BRI3BP: variants seen among roughly 807,000 people sequenced by gnomAD.
BRI3BP encodes the protein BRI3-binding protein.
A neutral mutation model predicts 15.8 loss-of-function variants in BRI3BP; 7 were observed. The ratio of observed to expected loss-of-function variants is 0.44; its 90% CI spans 0.25 to 0.83. BRI3BP has a LOEUF of 0.83. BRI3BP is among the 40% of genes least tolerant of loss of function. BRI3BP has a pLI of 0.20. For missense variants in BRI3BP, 320 were observed against 339.3 expected, an observed-to-expected ratio of 0.94 and a Z score of 0.45; for synonymous variants, 192 against 163.5, an observed-to-expected ratio of 1.17 and a Z score of -1.33.
chr12:125,008,295 CTTTCTT>C (rs1271510362), intron 1 of BRI3BP, among the ~76,000 whole-genome samples: 3 of 113,756 alleles, frequency 2.6e-5, no homozygotes, highest in South Asian at 6.3e-4. Context: ...CCCTCCTCTT[CTTTCTT>C]TTTTTTTTTT....
chr12:125,050,038 C>A, the BRI3BP span, among the ~76,000 whole-genome samples: 2 of 152,164 alleles, frequency 1.3e-5, no homozygotes, highest in Non-Finnish European at 2.9e-5. Context: ...CAAATTCAGA[C>A]TCTTGCGTGA....
chr12:125,001,512 A>T (rs1043604956), intron 1 of BRI3BP, among the ~76,000 whole-genome samples: 1 of 152,032 alleles, frequency 6.6e-6, no homozygotes, highest in South Asian at 2.1e-4. Flanking sequence ...AGCATGTGCC[A>T]CCATGCCTAT....
chr12:125,050,696 T>G, the BRI3BP span, among the ~76,000 whole-genome samples: 1 of 152,232 alleles, frequency 6.6e-6, no homozygotes, highest in African/African-American at 2.4e-5. Context: ...TCATTTCAGA[T>G]GATGAAAGTG....
the BRI3BP span, among the ~76,000 whole-genome samples, chr12:125,044,742 A>G: frequency 2.0e-5 from 3 of 151,994 alleles, no homozygotes; most frequent in Non-Finnish European, 4.4e-5. Flanking sequence ...GAGCCACCGC[A>G]CCTGTCCCAG....
chr12:125,010,119 A>G (rs928065318), intron 1 of BRI3BP, among the ~76,000 whole-genome samples: 1 of 151,910 alleles, frequency 6.6e-6, no homozygotes, highest in East Asian at 1.9e-4. Flanking sequence ...AAAAAGAAGA[A>G]GAATATTGGA....
rs12824710 is a variant in BRI3BP at position 125,022,541 on chromosome 12, A to T, written c.317-2450A>T. Among the ~76,000 whole-genome samples, 563 of 139,090 alleles carry T rather than the reference A, an allele frequency of 4.0e-3. 3 individuals are homozygous for T. Among genetic ancestry groups the T allele is most frequent in the African/African-American group, 7.1e-3 (246 of 34,406 alleles). 91.2% of individuals were successfully genotyped at this position (139,090 alleles called of 152,430 possible). On this transcript the variant is annotated intron_variant, in intron 2 of 2. Coordinates refer to ENST00000341446, the MANE Select transcript of BRI3BP (RefSeq NM_080626.6). ...TTATTATTTATTTATTTATTTATTT[A>T]TTTTTTGAGACAGAGCCTCACTGTG...
chr12:125,018,804 C>T lies in BRI3BP; in HGVS notation c.316+6168C>T, dbSNP rs1294177640. Among the ~76,000 whole-genome samples, 11 of 151,814 alleles carry T rather than the reference C, an allele frequency of 7.2e-5. 1 individual carries two copies. The highest frequency in any genetic ancestry group is 3.9e-4 in the Admixed American group (6 of 15,216). ...AAGCGATTCTAGTACCTCAGCCTCC[C>T]GAGTGGCTGAGATTACAGGCACATG... On this transcript the variant is annotated intron_variant, in intron 2 of 2. Coordinates refer to ENST00000341446, the MANE Select transcript of BRI3BP (RefSeq NM_080626.6).
At chr12:125,043,082 A>G in the BRI3BP span, among the ~76,000 whole-genome samples, 1 of 151,278 alleles carries the variant, frequency 6.6e-6, no homozygotes, top group African/African-American at 2.4e-5. Context: ...AAAAAAAAAC[A>G]CTTCACTTGC....
chr12:125,037,813 A>G, the BRI3BP span, among the ~76,000 whole-genome samples: 4 of 147,058 alleles, frequency 2.7e-5, no homozygotes, highest in African/African-American at 9.9e-5. Flanking sequence ...CTCTGTCTCA[A>G]AAAAAAAAAA....
the BRI3BP span, among the ~76,000 whole-genome samples, chr12:125,050,405 G>A: frequency 6.6e-6 from 1 of 151,170 alleles, no homozygotes; most frequent in East Asian, 1.9e-4. Flanking sequence ...AAAAAGGAAC[G>A]CCACCAAAAG....
chr12:125,009,135 A>G (rs1180535099), intron 1 of BRI3BP, among the ~76,000 whole-genome samples: 1 of 149,524 alleles, frequency 6.7e-6, no homozygotes, highest in Non-Finnish European at 1.5e-5. Context: ...ACAACACTAC[A>G]CTCAGCTAAT....
In BRI3BP at chr12:125,029,589, C is replaced by T. The variant is rs1955392112; in HGVS notation, c.*4159C>T. 1 of 150,188 alleles carries T rather than the reference C, an allele frequency of 6.7e-6. No individual in the cohort carries two copies. Among genetic ancestry groups the T allele is most frequent in the South Asian group, 2.1e-4 (1 of 4,756 alleles). 9.3% of individuals were successfully genotyped at this position (150,188 alleles called of 1,614,324 possible). On this transcript the variant is annotated 3_prime_UTR_variant, in exon 3 of 3. Coordinates refer to ENST00000341446, the MANE Select transcript of BRI3BP (RefSeq NM_080626.6). Reference sequence around the variant, plus strand: ...ATATGTATATATATATACACACACACACACTTTCCAATACCAGTCGGCATT... The same window carrying T: ...ATATGTATATATATATACACACACATACACTTTCCAATACCAGTCGGCATT...
chr12:124,999,479 A>C (rs911106408), intron 1 of BRI3BP, among the ~76,000 whole-genome samples: 8 of 152,262 alleles, frequency 5.3e-5, no homozygotes, highest in Admixed American at 4.6e-4. Flanking sequence ...GCTGGAGTGC[A>C]GTAGCTCAAT....
chr12:125,036,816 A>T, the BRI3BP span, among the ~76,000 whole-genome samples: 1 of 152,188 alleles, frequency 6.6e-6, no homozygotes, highest in Non-Finnish European at 1.5e-5. Context: ...GTGGCCTCAT[A>T]AGAAGAGGAA....
intron 2 of BRI3BP, among the ~76,000 whole-genome samples, chr12:125,014,498 C>A (rs540233734): frequency 1.3e-4 from 20 of 152,212 alleles, no homozygotes; most frequent in Non-Finnish European, 1.0e-4. Flanking sequence ...AATTCCCGGG[C>A]AGGCCAGGCC....
chr12:125,004,407 C>T (rs1483290921), intron 1 of BRI3BP, among the ~76,000 whole-genome samples: 1 of 152,196 alleles, frequency 6.6e-6, no homozygotes, highest in Non-Finnish European at 1.5e-5. Context: ...CAGACTCAAA[C>T]GATCCTCTGG....
chr12:125,035,676 A>T (rs1169761642), downstream of BRI3BP, among the ~76,000 whole-genome samples: 2 of 151,932 alleles, frequency 1.3e-5, no homozygotes, highest in East Asian at 3.9e-4. Flanking sequence ...GTGAGCCGCC[A>T]TGCCTGGCCT....
downstream of BRI3BP, among the ~76,000 whole-genome samples, chr12:125,032,567 A>C (rs111743630): frequency 1.1e-4 from 16 of 152,222 alleles, no homozygotes; most frequent in Admixed American, 3.3e-4. Flanking sequence ...CAGGAGTTCA[A>C]GACCAGCCTG....
At chr12:125,032,052 G>A (rs1292479435), downstream of BRI3BP, among the ~76,000 whole-genome samples, 2 of 152,166 alleles carry the variant, frequency 1.3e-5, no homozygotes, top group Non-Finnish European at 1.5e-5. Flanking sequence ...GTGAGCGGGG[G>A]CGGTGAGGCA....
Sources: allele counts gnomAD v4.1 joint callset (sites outside exome capture counted in the v4.1 genomes callset), GRCh38; gene constraint gnomAD v4.1.1; transcripts MANE v1.5; gene names NCBI Gene and HGNC (gene_info 2026-07-23, HGNC 2026-07-21).